Variants in SDCCAG8 observed in about 807,000 individuals in gnomAD.
SDCCAG8 encodes SHH signaling and ciliogenesis regulator SDCCAG8.
A neutral mutation model predicts 101.8 loss-of-function variants in SDCCAG8; 74 were observed. That is an observed-to-expected ratio of 0.73 (90% CI 0.60 to 0.88). The LOEUF (loss-of-function observed/expected upper bound fraction) is 0.88. Among genes scored for constraint, SDCCAG8 ranks in the 40% least tolerant of loss-of-function variants. SDCCAG8 has a pLI of 0.00. For synonymous variants in SDCCAG8, 281 were observed against 292.9 expected, an observed-to-expected ratio of 0.96 and a Z score of 0.41; for missense variants, 787 against 822.6, an observed-to-expected ratio of 0.96 and a Z score of 0.53.
chr1:243,344,241 G>A lies in SDCCAG8; in HGVS notation c.1383G>A (p.Leu461=). 3 of 1,613,982 alleles carry A rather than the reference G, an allele frequency of 1.9e-6. No individual in the cohort carries two copies. Residue 461 remains leucine, a synonymous_variant, in exon 12 of 18, where the codon CTG becomes CTA. Coordinates refer to ENST00000366541, the MANE Select transcript of SDCCAG8 (RefSeq NM_006642.5). ...TKVCGEMRYQ[L]NKTNMEKDEA... ...TGTGTGGAGAAATGCGCTATCAGCTGAATAAAACCAACATGGAGAAGGATG... is the reference window on the plus strand; with the variant it reads ...TGTGTGGAGAAATGCGCTATCAGCTAAATAAAACCAACATGGAGAAGGATG...
intron 13 of SDCCAG8, among the ~76,000 whole-genome samples, chr1:243,413,943 G>A (rs779276679): frequency 4.6e-5 from 7 of 152,156 alleles, no homozygotes; most frequent in African/African-American, 7.2e-5. Flanking sequence ...CCAGCTACAC[G>A]TTAAGATAGC....
At chr1:243,368,432 A>G (rs2077108150) in intron 12 of SDCCAG8, among the ~76,000 whole-genome samples, 1 of 152,164 alleles carries the variant, frequency 6.6e-6, no homozygotes, top group African/African-American at 2.4e-5. Context: ...ATGTCCCAAT[A>G]TAGCATTTTA....
chr1:243,471,661 G>T (rs1661296460), intron 16 of SDCCAG8, among the ~76,000 whole-genome samples: 2 of 152,100 alleles, frequency 1.3e-5, no homozygotes, highest in African/African-American at 4.8e-5. Flanking sequence ...ATTCCCAGAA[G>T]CCTCAGGAGA....
chr1:243,358,298 AAAG>A (rs1190860812), intron 12 of SDCCAG8, among the ~76,000 whole-genome samples: 1 of 152,144 alleles, frequency 6.6e-6, no homozygotes, highest in Non-Finnish European at 1.5e-5. Context: ...GACTTTTTTT[AAAG>A]AAGATATGTT....
At chr1:243,327,371 T>C (rs1365765616) in intron 9 of SDCCAG8, among the ~76,000 whole-genome samples, 1 of 146,104 alleles carries the variant, frequency 6.8e-6, no homozygotes, top group Non-Finnish European at 1.5e-5. Flanking sequence ...TATAATTTTA[T>C]AGAAATTAAA....
In SDCCAG8 at chr1:243,422,457, T is replaced by G. The variant is rs73120312; in HGVS notation, c.1854-3970T>G. ...GGTACATATTGCAGTTCATATATTTTAACACTATACTTTATGGTGTTATAA... is the reference window on the plus strand; with the variant it reads ...GGTACATATTGCAGTTCATATATTTGAACACTATACTTTATGGTGTTATAA... On this transcript the variant is annotated intron_variant, in intron 15 of 17. Coordinates refer to ENST00000366541, the MANE Select transcript of SDCCAG8 (RefSeq NM_006642.5). 3.8e-3 allele frequency among the ~76,000 whole-genome samples: 573 copies of G among 152,346 alleles called. 5 individuals are homozygous for G. The highest frequency in any genetic ancestry group is 0.013 in the African/African-American group (543 of 41,582).
At chr1:243,275,098 T>C (rs1211341034) in intron 4 of SDCCAG8, among the ~76,000 whole-genome samples, 1 of 152,192 alleles carries the variant, frequency 6.6e-6, no homozygotes, top group African/African-American at 2.4e-5. Context: ...TACTTTGACT[T>C]TGAATGAGAA....
chr1:243,269,526 G>A (rs1368550119), intron 1 of SDCCAG8, among the ~76,000 whole-genome samples: 1 of 152,028 alleles, frequency 6.6e-6, no homozygotes, highest in Non-Finnish European at 1.5e-5. Flanking sequence ...GCAGTATATA[G>A]AAAGAGCTGT....
At chr1:243,382,709 A>T (rs2078032970) in intron 13 of SDCCAG8, among the ~76,000 whole-genome samples, 1 of 152,156 alleles carries the variant, frequency 6.6e-6, no homozygotes, top group Admixed American at 6.5e-5. Flanking sequence ...TGAAAAATGG[A>T]TGGGTTGAGA....
intron 17 of SDCCAG8, among the ~76,000 whole-genome samples, chr1:243,497,129 T>C (rs543412500): frequency 6.6e-6 from 1 of 152,246 alleles, no homozygotes; most frequent in South Asian, 2.1e-4. Context: ...TGACAGGACT[T>C]CCTGGAAATA....
At chr1:243,443,594 G>A (rs2082689899) in intron 16 of SDCCAG8, among the ~76,000 whole-genome samples, 2 of 152,168 alleles carry the variant, frequency 1.3e-5, no homozygotes, top group South Asian at 2.1e-4. Flanking sequence ...GTTCTCATTT[G>A]TAAGCTCTTA....
At chr1:243,413,433 T>C (rs2080325779) in intron 13 of SDCCAG8, among the ~76,000 whole-genome samples, 1 of 152,210 alleles carries the variant, frequency 6.6e-6, no homozygotes, top group African/African-American at 2.4e-5. Context: ...CTCTAACTCC[T>C]GGCCTTAAGT....
chr1:243,386,420 G>T (rs531165138), intron 13 of SDCCAG8, among the ~76,000 whole-genome samples: 1 of 152,126 alleles, frequency 6.6e-6, no homozygotes, highest in Non-Finnish European at 1.5e-5. Flanking sequence ...AGCTTCTTCC[G>T]GCCGGGCGCG....
At chr1:243,365,578 A>G (rs1170731796) in intron 12 of SDCCAG8, among the ~76,000 whole-genome samples, 2 of 152,298 alleles carry the variant, frequency 1.3e-5, no homozygotes, top group East Asian at 3.9e-4. Context: ...GAAAAGTAAT[A>G]AAAATGTGTA....
chr1:243,309,615 C>T (rs986417344), intron 8 of SDCCAG8, among the ~76,000 whole-genome samples: 8 of 152,208 alleles, frequency 5.3e-5, no homozygotes, highest in Admixed American at 2.6e-4. Flanking sequence ...AGCGATCCTC[C>T]TGCCTCAGCT....
intron 16 of SDCCAG8, among the ~76,000 whole-genome samples, chr1:243,449,492 G>A (rs2083190044): frequency 6.6e-6 from 1 of 152,102 alleles, no homozygotes. Flanking sequence ...CTTGAGGCTG[G>A]GAAACACGTT....
At chr1:243,274,515 G>A (rs1558217490) in intron 3 of SDCCAG8, 28 bp from the exon 4 acceptor site, 1 of 1,257,158 alleles carries the variant, frequency 8.0e-7, no homozygotes, top group African/African-American at 1.5e-5. Flanking sequence ...ATGTATTTAT[G>A]TATTTATTTA....
In SDCCAG8 at chr1:243,474,443, G is replaced by A. The variant is rs533926140; in HGVS notation, c.1986-14571G>A. Reference sequence around the variant, plus strand: ...GCTCCAGGCCCTCTCGCGCGGCTTCGGGACTCGGCCGAGCCCGGGCCTAGT... The same window carrying A: ...GCTCCAGGCCCTCTCGCGCGGCTTCAGGACTCGGCCGAGCCCGGGCCTAGT... On this transcript the variant is annotated intron_variant, in intron 16 of 17. Transcript: ENST00000366541. The surrounding 1 kb of genome is among the most constrained non-coding windows in gnomAD (Gnocchi z 4.7). 6.6e-6 allele frequency among the ~76,000 whole-genome samples: 1 copy of A among 152,294 alleles called. No individual in the cohort carries two copies. The highest frequency in any genetic ancestry group is 2.1e-4 in the South Asian group (1 of 4,830).
chr1:243,266,010 C>T (rs1206550928), intron 1 of SDCCAG8, among the ~76,000 whole-genome samples: 2 of 152,054 alleles, frequency 1.3e-5, no homozygotes, highest in Admixed American at 1.3e-4. Context: ...CCATGGAATA[C>T]ATTTCTTCTT....
Sources: allele counts gnomAD v4.1 joint callset (sites outside exome capture counted in the v4.1 genomes callset), GRCh38; gene constraint gnomAD v4.1.1; non-coding constraint Gnocchi (gnomAD v3.1); transcripts MANE v1.5; gene names NCBI Gene and HGNC (gene_info 2026-07-23, HGNC 2026-07-21).